SORCS2: variants seen among roughly 807,000 people sequenced by gnomAD.
SORCS2 encodes the protein VPS10 domain-containing receptor SorCS2.
A neutral mutation model predicts 141.6 loss-of-function variants in SORCS2; 100 were observed. The ratio of observed to expected loss-of-function variants is 0.71; its 90% confidence interval spans 0.60 to 0.83. SORCS2 has a LOEUF of 0.83. SORCS2 is among the 40% of genes least tolerant of loss of function. The pLI is 0.00. For missense variants in SORCS2, 1,646 were observed against 1,560.2 expected (o/e 1.05, Z -0.93); for synonymous variants, 789 against 676.9 (o/e 1.17, Z -2.57).
At chr4:7,616,822 G>T (rs1404421415) in intron 3 of SORCS2, among the ~76,000 whole-genome samples, 6 of 152,254 alleles carry the variant, frequency 3.9e-5, no homozygotes, top group Non-Finnish European at 8.8e-5. Context: ...AACCAGCCAT[G>T]TGGAAATTAT....
chr4:7,502,013 C>T (rs1363369851), intron 2 of SORCS2, among the ~76,000 whole-genome samples: 1 of 152,186 alleles, frequency 6.6e-6, no homozygotes, highest in Non-Finnish European at 1.5e-5. Context: ...GGTCCCGCCC[C>T]TACAGTGCAG....
At position 7,737,123 on chromosome 4, in the gene SORCS2, G is replaced by A. The variant is rs1239261021; in HGVS notation, c.3366G>A (p.Glu1122=). Residue 1122 remains glutamate, a synonymous_variant, in exon 26 of 27, where the codon GAG becomes GAA. Transcript: ENST00000507866. The part of the protein sequence containing the change: ...YAQMHNEKEQ[E]MTSPVSHSED... ...AAATGCACAACGAGAAGGAGCAGGA[G>A]ATGACCAGCCCTGTGAGTCACAGTG... The A allele has an allele frequency of 3.9e-6, 6 of 1,551,378 alleles. No individual in the cohort carries two copies. The highest frequency in any genetic ancestry group is 5.2e-6 in the Non-Finnish European group (6 of 1,146,968).
At chr4:7,415,436 C>T (rs1410967142) in intron 2 of SORCS2, among the ~76,000 whole-genome samples, 2 of 152,234 alleles carry the variant, frequency 1.3e-5, no homozygotes, top group Non-Finnish European at 2.9e-5. Flanking sequence ...CTCCCTCTGA[C>T]CCTTTTTTTG....
chr4:7,591,650 C>T (rs1023160627), intron 3 of SORCS2, among the ~76,000 whole-genome samples: 5 of 152,192 alleles, frequency 3.3e-5, no homozygotes, highest in South Asian at 2.1e-4. Context: ...TTCCGGCTCA[C>T]GAGGATTAAC....
intron 4 of SORCS2, among the ~76,000 whole-genome samples, chr4:7,639,450 G>A (rs1198310795): frequency 1.3e-5 from 2 of 151,680 alleles, no homozygotes; most frequent in Non-Finnish European, 2.9e-5. Context: ...GTGTGTGAGT[G>A]CATGTGTGTG....
chr4:7,438,891 T>G (rs986196778), intron 2 of SORCS2, among the ~76,000 whole-genome samples: 1 of 152,128 alleles, frequency 6.6e-6, no homozygotes, highest in African/African-American at 2.4e-5. Flanking sequence ...TATCATTCAT[T>G]GTTTTTGATG....
chr4:7,649,784 T>C (rs1477093465), intron 4 of SORCS2, among the ~76,000 whole-genome samples: 1 of 152,138 alleles, frequency 6.6e-6, no homozygotes, highest in Non-Finnish European at 1.5e-5. Context: ...CTTCTGAGAT[T>C]CTGCACATCC....
chr4:7,546,451 T>C (rs1713268655), intron 3 of SORCS2, among the ~76,000 whole-genome samples: 1 of 152,164 alleles, frequency 6.6e-6, no homozygotes, highest in African/African-American at 2.4e-5. Context: ...TGCCTCAATA[T>C]TGCATGTCGG....
At chr4:7,524,320 G>A (rs2109516821) in intron 2 of SORCS2, among the ~76,000 whole-genome samples, 1 of 152,242 alleles carries the variant, frequency 6.6e-6, no homozygotes, top group East Asian at 1.9e-4. Flanking sequence ...GAGGCAGGAG[G>A]ATCCTCCCCT....
intron 2 of SORCS2, among the ~76,000 whole-genome samples, chr4:7,413,391 C>CTTTGTTTTTTTTTTT (rs1725451191): frequency 2.4e-5 from 2 of 84,836 alleles, no homozygotes; most frequent in African/African-American, 4.2e-5. Context: ...TTCACAGCTG[C>CTTTGTTTTTTTTTTT]TTTTTTTTTT....
At chr4:7,419,754 A>G (rs1315699987) in intron 2 of SORCS2, among the ~76,000 whole-genome samples, 2 of 152,342 alleles carry the variant, frequency 1.3e-5, no homozygotes, top group Admixed American at 6.5e-5. Flanking sequence ...TGGCTGAGAC[A>G]TGCTGGGTCT....
intron 1 of SORCS2, among the ~76,000 whole-genome samples, chr4:7,322,521 CA>C (rs111582412): frequency 3.9e-5 from 6 of 152,192 alleles, no homozygotes; most frequent in African/African-American, 1.2e-4. Context: ...GCAGGGCTGG[CA>C]AAGTAGATGG....
chr4:7,449,852 C>T (rs979473244), intron 2 of SORCS2, among the ~76,000 whole-genome samples: 1 of 152,186 alleles, frequency 6.6e-6, no homozygotes, highest in African/African-American at 2.4e-5. Context: ...AGCCACCCCG[C>T]CCTCCCAGAG....
intron 1 of SORCS2, among the ~76,000 whole-genome samples, chr4:7,259,673 C>T (rs966852940): frequency 3.3e-5 from 5 of 152,184 alleles, no homozygotes; most frequent in African/African-American, 4.8e-5. Flanking sequence ...TGGCTGTGCC[C>T]GAGGAGGAGG....
intron 1 of SORCS2, among the ~76,000 whole-genome samples, chr4:7,219,370 G>A (rs997968658): frequency 1.3e-5 from 2 of 152,130 alleles, no homozygotes; most frequent in Non-Finnish European, 2.9e-5. Context: ...AAGGAGCCTG[G>A]TTTAAGGGGT....
chr4:7,430,271 AAAAG>A (rs1726743232), intron 2 of SORCS2: 1 of 152,226 alleles, frequency 6.6e-6, no homozygotes, highest in Non-Finnish European at 1.5e-5. Flanking sequence ...CCAAAAAAAA[AAAAG>A]AGACAGAGAG....
At chr4:7,261,665 C>T (rs1333861786) in intron 1 of SORCS2, among the ~76,000 whole-genome samples, 1 of 152,234 alleles carries the variant, frequency 6.6e-6, no homozygotes, top group African/African-American at 2.4e-5. Context: ...TATTCAATTA[C>T]AGCAGATCGG....
At chr4:7,393,375 T>G (rs1250524597) in intron 1 of SORCS2, among the ~76,000 whole-genome samples, 1 of 152,122 alleles carries the variant, frequency 6.6e-6, no homozygotes, top group Non-Finnish European at 1.5e-5. Flanking sequence ...CCCGGGGATA[T>G]TTCATTTCCA....
At chr4:7,571,993 G>A (rs1414054461) in intron 3 of SORCS2, among the ~76,000 whole-genome samples, 1 of 152,130 alleles carries the variant, frequency 6.6e-6, no homozygotes, top group East Asian at 1.9e-4. Context: ...TCCTGGGCCT[G>A]CAGGAAGAAC....
Sources: gnomAD v4.1 joint callset for allele counts (sites outside exome capture counted in the v4.1 genomes callset) on GRCh38, gnomAD v4.1.1 for gene constraint, MANE v1.5 for transcripts, NCBI Gene and HGNC (gene_info 2026-07-23, HGNC 2026-07-21) for gene names.